The following OTUD6B variants were observed in gnomAD, a reference collection of about 807,000 sequenced individuals.
The protein encoded by OTUD6B is deubiquitinase OTUD6B.
A neutral mutation model predicts 36.9 loss-of-function variants in OTUD6B; 41 were observed. That is an observed-to-expected ratio of 1.11 (90% CI 0.87 to 1.44). The LOEUF is 1.44. Ranked by LOEUF, OTUD6B falls within the 40% of genes most tolerant of loss-of-function variation. The pLI is 0.00. For synonymous variants in OTUD6B, 114 were observed against 114.2 expected, an observed-to-expected ratio of 1.00 and a Z score of 0.01; for missense variants, 356 against 344.8, an observed-to-expected ratio of 1.03 and a Z score of -0.26.
Position 91,073,897 on chromosome 8 carries a change from G to A in OTUD6B, c.301G>A (p.Ala101Thr). 2 of 1,589,882 alleles carry A rather than the reference G, an allele frequency of 1.3e-6. No individual in the cohort carries two copies. The highest frequency in any genetic ancestry group is 1.1e-5 in the South Asian group (1 of 87,344). The change falls in exon 3 of 7, where the codon GCA becomes ACA. Residue 101 changes from alanine to threonine, a missense_variant. Coordinates refer to ENST00000404789, the MANE Select transcript of OTUD6B (RefSeq NM_016023.5). ...GAATCAGCCACCTCGGATATCAAAA[G>A]CACAAAAGAGACGGGTATGAAAGTC... is the stretch of plus-strand genomic sequence containing the variant. The part of the protein sequence containing the change: ...LENQPPRISK[A>T]QKRREKKAAL...
intron 5 of OTUD6B, among the ~76,000 whole-genome samples, chr8:91,081,384 A>AAACAAACG (rs778077820): frequency 2.6e-5 from 4 of 151,418 alleles, no homozygotes; most frequent in Non-Finnish European, 4.4e-5. Flanking sequence ...ACAAACAAAC[A>AAACAAACG]AACAAAAAAA....
intron 6 of OTUD6B, 60 bp from the exon 7 acceptor site, chr8:91,084,724 A>G (rs1007883842): frequency 1.5e-5 from 20 of 1,323,420 alleles, no homozygotes; most frequent in African/African-American, 1.4e-4. Flanking sequence ...TAATAAGCAT[A>G]TATATATAGA....
In OTUD6B at chr8:91,085,073, A is replaced by G. The variant is rs1379553625; in HGVS notation, c.*205A>G. 6.5e-6 allele frequency: 2 copies of G among 307,784 alleles called. No individual in the cohort carries two copies. Among genetic ancestry groups the G allele is most frequent in the African/African-American group, 2.2e-5 (1 of 45,800 alleles). 19.1% of individuals were successfully genotyped at this position (307,784 alleles called of 1,614,324 possible). On this transcript the variant is annotated 3_prime_UTR_variant, in exon 7 of 7. Coordinates refer to ENST00000404789, the MANE Select transcript of OTUD6B (RefSeq NM_016023.5). ...TTAGTGGAATTTTAAAAATTTGTTAAGTTCATTGTAGAGAACACCATTCAT... is the reference window on the plus strand; with the variant it reads ...TTAGTGGAATTTTAAAAATTTGTTAGGTTCATTGTAGAGAACACCATTCAT...
In OTUD6B at chr8:91,082,970, A is replaced by G. The variant is rs1482230988; in HGVS notation, c.691-1038A>G. Among the ~76,000 whole-genome samples, 20 of 151,904 alleles carry G rather than the reference A, an allele frequency of 1.3e-4. No homozygotes were observed. In the East Asian group the frequency reaches 3.9e-3, roughly 29 times the overall value. Reference sequence around the variant, plus strand: ...GGTATCTGCCTACCTTGGCCTCCCAAAGTGCTGGAATTATGGGTGTGAGCC... The same window carrying G: ...GGTATCTGCCTACCTTGGCCTCCCAGAGTGCTGGAATTATGGGTGTGAGCC... On this transcript the variant is annotated intron_variant, in intron 5 of 6. Transcript: ENST00000404789.
intron 4 of OTUD6B, among the ~76,000 whole-genome samples, chr8:91,079,887 A>G (rs1363689268): frequency 2.0e-5 from 3 of 152,112 alleles, no homozygotes; most frequent in Non-Finnish European, 4.4e-5. Context: ...GCACTACTCT[A>G]GGCACTGTTC....
rs751309307 is a variant in OTUD6B, at chr8:91,073,912, G to A, written c.315+1G>A. 6 of 1,581,494 alleles carry A rather than the reference G, an allele frequency of 3.8e-6. No individual in the cohort carries two copies. Among genetic ancestry groups the A allele is most frequent in the Non-Finnish European group, 5.2e-6 (6 of 1,161,028 alleles). ...GATATCAAAAGCACAAAAGAGACGG[G>A]TATGAAAGTCATGTCACCAAGTATA... On this transcript the variant is annotated splice_donor_variant, in intron 3 of 6. Transcript: ENST00000404789. LOFTEE classifies it high-confidence loss of function.
At chr8:91,071,910 G>T (rs1812708711) in intron 2 of OTUD6B, among the ~76,000 whole-genome samples, 2 of 152,134 alleles carry the variant, frequency 1.3e-5, no homozygotes, top group South Asian at 2.1e-4. Context: ...CCTGAGCAAG[G>T]TTACTTAATC....
chr8:91,081,120 A>C (rs1465544616), intron 5 of OTUD6B, among the ~76,000 whole-genome samples: 1 of 142,724 alleles, frequency 7.0e-6, no homozygotes, highest in Non-Finnish European at 1.6e-5. Flanking sequence ...ACTATTGGAA[A>C]AATATCTTTT....
At chr8:91,082,885 T>A (rs1053568275) in intron 5 of OTUD6B, among the ~76,000 whole-genome samples, 6 of 151,622 alleles carry the variant, frequency 4.0e-5, no homozygotes, top group Admixed American at 6.6e-5. Flanking sequence ...TTTTTGTATT[T>A]TTTTGTAGAG....
At chr8:91,081,132 T>A (rs1303324600) in intron 5 of OTUD6B, among the ~76,000 whole-genome samples, 1 of 125,372 alleles carries the variant, frequency 8.0e-6, no homozygotes, top group Non-Finnish European at 1.8e-5. Flanking sequence ...ATATCTTTTT[T>A]ACATCAGAAA....
chr8:91,071,797 A>G (rs1812705215), intron 2 of OTUD6B, among the ~76,000 whole-genome samples: 1 of 152,208 alleles, frequency 6.6e-6, no homozygotes, highest in South Asian at 2.1e-4. Context: ...AGAAAGTGCT[A>G]TACTTCTTTA....
Position 91,073,856 on chromosome 8 carries a change from C to A in OTUD6B, c.260C>A (p.Ser87Ter). ...ATAGATTCTGTTGCTGTTAACATTT[C>A]AAACTTGGTGCTTGAGAATCAGCCA... ...NKIDSVAVNI[S>*]NLVLENQPPR... The change falls in exon 3 of 7, where the codon TCA (serine) becomes TAA (stop). Residue 87 changes from serine to a stop codon, truncating the protein, a stop_gained. Transcript: ENST00000404789. LOFTEE classifies it high-confidence loss of function. 1 of 1,591,338 alleles carries A rather than the reference C, an allele frequency of 6.3e-7. No individual in the cohort carries two copies. Among genetic ancestry groups the A allele is most frequent in the South Asian group, 1.1e-5 (1 of 87,514 alleles).
Position 91,086,374 on chromosome 8 carries a change from C to T in OTUD6B, c.*1506C>T, listed in dbSNP as rs1563585291. 1 of 152,078 alleles carries T rather than the reference C, an allele frequency of 6.6e-6. No individual in the cohort carries two copies. Among genetic ancestry groups the T allele is most frequent in the African/African-American group, 2.4e-5 (1 of 41,426 alleles). The allele number at this position is 152,078 out of a possible 1,614,324, so 9.4% of individuals were successfully genotyped here. Reference sequence around the variant, plus strand: ...GAAGGCTTTCCAGTTCAAAAGATTACAAGCCATTCTGCCTGCCAAACAAAT... The same window carrying T: ...GAAGGCTTTCCAGTTCAAAAGATTATAAGCCATTCTGCCTGCCAAACAAAT... On this transcript the variant is annotated 3_prime_UTR_variant, in exon 7 of 7. Transcript: ENST00000404789.
intron 4 of OTUD6B, among the ~76,000 whole-genome samples, chr8:91,080,133 C>A (rs1201990247): frequency 3.3e-5 from 5 of 152,064 alleles, no homozygotes; most frequent in African/African-American, 4.8e-5. Flanking sequence ...GATACTTATG[C>A]AAGTAATGTA....
intron 3 of OTUD6B, among the ~76,000 whole-genome samples, chr8:91,074,938 G>C (rs1812774986): frequency 6.6e-6 from 1 of 152,010 alleles, no homozygotes; most frequent in Admixed American, 6.6e-5. Flanking sequence ...AATTCATTGT[G>C]AATATTAAAT....
chr8:91,082,513 C>T (rs940674811), intron 5 of OTUD6B, among the ~76,000 whole-genome samples: 8 of 152,040 alleles, frequency 5.3e-5, no homozygotes, highest in Non-Finnish European at 1.2e-4. Flanking sequence ...AGCTGCACCA[C>T]CATGCCTGGC....
chr8:91,073,434 G>A (rs1254923844), intron 2 of OTUD6B, among the ~76,000 whole-genome samples: 2 of 152,122 alleles, frequency 1.3e-5, no homozygotes, highest in African/African-American at 2.4e-5. Context: ...AATTAAGATG[G>A]AAAAAGGCCT....
intron 1 of OTUD6B, 104 bp downstream of exon 1, chr8:91,070,570 C>T (rs1202469636): frequency 1.6e-5 from 17 of 1,062,274 alleles, no homozygotes; most frequent in Admixed American, 2.4e-5. Flanking sequence ...TCTGGATCAC[C>T]CTAGACTTCC....
Position 91,073,886 on chromosome 8 carries a change from G to T in OTUD6B, c.290G>T (p.Arg97Leu). 1 of 1,592,874 alleles carries T rather than the reference G, an allele frequency of 6.3e-7. No homozygotes were observed. The highest frequency in any genetic ancestry group is 8.6e-7 in the Non-Finnish European group (1 of 1,168,138). ...TTGGTGCTTGAGAATCAGCCACCTCGGATATCAAAAGCACAAAAGAGACGG... is the reference window on the plus strand; with the variant it reads ...TTGGTGCTTGAGAATCAGCCACCTCTGATATCAAAAGCACAAAAGAGACGG... ...SNLVLENQPPRISKAQKRREK... is the reference protein window; with the variant it reads ...SNLVLENQPPLISKAQKRREK... Residue 97 changes from arginine to leucine, a missense_variant, in exon 3 of 7, where the codon CGG (arginine) becomes CTG (leucine). Physicochemically the swap from Arg to Leu is moderately radical, Grantham distance 102 (BLOSUM62 -2). Transcript: ENST00000404789.
Sources: gnomAD v4.1 joint callset for allele counts (sites outside exome capture counted in the v4.1 genomes callset) on GRCh38, gnomAD v4.1.1 for gene constraint, MANE v1.5 for transcripts, NCBI Gene and HGNC (gene_info 2026-07-23, HGNC 2026-07-21) for gene names.